DLG4: variants seen among roughly 807,000 people sequenced by gnomAD.
DLG4 encodes disks large homolog 4.
Under a neutral mutation model 93.8 loss-of-function variants are expected in DLG4, and 7 were observed. The observed-to-expected ratio is 0.07, with a 90% CI of 0.04 to 0.14. DLG4 has a LOEUF of 0.14. Among genes scored for constraint, DLG4 ranks in the 10% least tolerant of loss-of-function variants. The pLI is 1.00. For missense variants in DLG4, 545 were observed against 992.9 expected (o/e 0.55, Z 6.06); for synonymous variants, 341 against 387.6 (o/e 0.88, Z 1.41).
Position 7,197,048 on chromosome 17 carries a change from A to G in DLG4, c.792T>C (p.Tyr264=), listed in dbSNP as rs2069827755. 6.2e-7 allele frequency: 1 copy of G among 1,607,806 alleles called. No individual in the cohort carries two copies. Among genetic ancestry groups the G allele is most frequent in the Non-Finnish European group, 8.5e-7 (1 of 1,175,912 alleles). The change falls in exon 9 of 20, where the codon TAT becomes TAC. Residue 264 remains tyrosine, a synonymous_variant. Coordinates refer to ENST00000399506, the MANE Select transcript of DLG4 (RefSeq NM_001321075.3). ...TGATCTCATTGTCCAGGTGCTGGGA[A>G]TAAGCTGAGGAAGACAGGGCAGAGA... ...SYAPPDITTS[Y]SQHLDNEISH...
chr17:7,191,389 A>G lies in DLG4; in HGVS notation c.1977-31T>C. ...AAGAGGGAGGGAGAGCAGGCCTGAG[A>G]CTGGACCCACCTGACCCTGCCTTTT... On this transcript the variant is annotated intron_variant, in intron 18 of 19. Transcript: ENST00000399506. The surrounding 1 kb of genome is among the most constrained non-coding windows in gnomAD (Gnocchi z 6.6). 1 of 1,583,582 alleles carries G rather than the reference A, an allele frequency of 6.3e-7. No individual in the cohort carries two copies. Among genetic ancestry groups the G allele is most frequent in the Non-Finnish European group, 8.7e-7 (1 of 1,152,820 alleles).
rs149878479 is a variant in DLG4 at position 7,204,241 on chromosome 17, G to A, written c.108C>T (p.Pro36=). ...GGGTATCTGTGTTGACAATCACTGG[G>A]GGAGAATTGGCCTGTTTGGGAAAAC... ...PAHLPNQANS[P]PVIVNTDTLE... is the part of the protein sequence containing the mutation. Residue 36 remains proline (P), a synonymous_variant, in exon 3 of 20, where the codon CCC becomes CCT. Coordinates refer to ENST00000399506, the MANE Select transcript of DLG4 (RefSeq NM_001321075.3). The A allele has an allele frequency of 7.5e-6, 12 of 1,595,440 alleles. No homozygotes were observed. The African/African-American group carries it at 8.1e-5, about 11-fold the overall frequency.
chr17:7,196,426 C>T lies in DLG4; in HGVS notation c.1186+47G>A, dbSNP rs754772423. 4 of 1,611,082 alleles carry T rather than the reference C, an allele frequency of 2.5e-6. No individual in the cohort carries two copies. The highest frequency in any genetic ancestry group is 1.7e-4 in the Middle Eastern group (1 of 6,056). On this transcript the variant is annotated intron_variant, in intron 10 of 19. Coordinates refer to ENST00000399506, the MANE Select transcript of DLG4 (RefSeq NM_001321075.3). The surrounding 1 kb of genome is among the most constrained non-coding windows in gnomAD (Gnocchi z 8.3). Reference sequence around the variant, plus strand: ...TGAAGCCATCAGCTGAGGAAGAGTTCTAAGGGCCATTTCAGCTCACAAGAC... The same window carrying T: ...TGAAGCCATCAGCTGAGGAAGAGTTTTAAGGGCCATTTCAGCTCACAAGAC...
In DLG4 at chr17:7,193,865, C is replaced by T. The variant is rs1411239548; in HGVS notation, c.1522G>A (p.Gly508Ser). The change falls in exon 14 of 20, where the codon GGC (glycine) becomes AGC (serine). Residue 508 changes from glycine (G) to serine (S), a missense_variant. By Grantham distance (56) the Gly-to-Ser change is moderately conservative. Transcript: ENST00000399506. The surrounding 1 kb of genome is among the most constrained non-coding windows in gnomAD (Gnocchi z 6.7). ...CTACCCTGCGATCCAGAGCTGGAGC[C>T]CCAGTCCTAAGAAGAAAAAGCAGGC... is the stretch of plus-strand genomic sequence containing the variant. The part of the protein sequence containing the change: ...EWSRLKAKDW[G>S]SSSGSQGRED... 1.9e-6 allele frequency: 3 copies of T among 1,612,552 alleles called. No homozygotes were observed. In the Admixed American group the frequency reaches 5.0e-5, roughly 27 times the overall value.
At chr17:7,202,400 A>C (rs2142878620) in intron 8 of DLG4, among the ~76,000 whole-genome samples, 1 of 152,192 alleles carries the variant, frequency 6.6e-6, no homozygotes, top group African/African-American at 2.4e-5. Flanking sequence ...ATATTAAGAG[A>C]TTTCCTAATA....
chr17:7,213,502 T>C (rs2070790021), intron 1 of DLG4, among the ~76,000 whole-genome samples: 1 of 152,052 alleles, frequency 6.6e-6, no homozygotes, highest in African/African-American at 2.4e-5. Flanking sequence ...TGTCGGAAGA[T>C]TGCTCCCAAA....
chr17:7,215,290 G>C (rs2070862064), intron 1 of DLG4, among the ~76,000 whole-genome samples: 1 of 152,224 alleles, frequency 6.6e-6, no homozygotes, highest in Non-Finnish European at 1.5e-5. Context: ...CCTTCCTTCA[G>C]GGATGCTCAA....
In DLG4 at chr17:7,204,151, C is replaced by G. The variant is rs370495267; in HGVS notation, c.150+48G>C. Reference sequence around the variant, plus strand: ...CGTCATCTGCTGCCCTCCCTTACTCCCTCCTTCCTTCTGCAATGGCCCCAG... The same window carrying G: ...CGTCATCTGCTGCCCTCCCTTACTCGCTCCTTCCTTCTGCAATGGCCCCAG... On this transcript the variant is annotated intron_variant, in intron 3 of 19. Transcript: ENST00000399506. 1.4e-5 allele frequency: 23 copies of G among 1,602,534 alleles called. No homozygotes were observed. The African/African-American group carries it at 2.8e-4, about 20-fold the overall frequency.
rs61283875 is a variant in DLG4, at chr17:7,187,547, CAATAATAAT to C, written c.*3152_*3160del. On this transcript the variant is annotated 3_prime_UTR_variant, in exon 20 of 20. Transcript: ENST00000399506. ...GGCAACAAGAGCGAAACTCTGTCTC[CAATAATAAT>C]AATAATAATAATAATAATAATACAT... Among the ~76,000 whole-genome samples, 23 of 145,866 alleles carry C rather than the reference CAATAATAAT, an allele frequency of 1.6e-4. No individual in the cohort carries two copies. Among genetic ancestry groups the C allele is most frequent in the Admixed American group, 8.3e-4 (12 of 14,496 alleles).
At position 7,203,397 on chromosome 17, in the gene DLG4, G is replaced by T; in HGVS notation, c.505+27C>A. ...CTTGGGGGCACAGGACAGTTGGGATGGGGGTGGGAACAAAATGAGTTACTA... is the reference window on the plus strand; with the variant it reads ...CTTGGGGGCACAGGACAGTTGGGATTGGGGTGGGAACAAAATGAGTTACTA... On this transcript the variant is annotated intron_variant, in intron 6 of 19. Coordinates refer to ENST00000399506, the MANE Select transcript of DLG4 (RefSeq NM_001321075.3). The surrounding 1 kb of genome is among the most constrained non-coding windows in gnomAD (Gnocchi z 7.2). 1 of 1,595,744 alleles carries T rather than the reference G, an allele frequency of 6.3e-7. No individual in the cohort carries two copies. Among genetic ancestry groups the T allele is most frequent in the Non-Finnish European group, 8.6e-7 (1 of 1,165,154 alleles).
At chr17:7,219,903 G>A (rs2071098422), upstream of DLG4, 1 of 1,018,990 alleles carries the variant, frequency 9.8e-7, no homozygotes, top group Admixed American at 2.6e-5. Context: ...ATGAGTCAGG[G>A]TTAGGGGCGC....
chr17:7,194,118 CT>C lies in DLG4; in HGVS notation c.1479-119del. On this transcript the variant is annotated intron_variant, in intron 12 of 19. Coordinates refer to ENST00000399506, the MANE Select transcript of DLG4 (RefSeq NM_001321075.3). This position sits in a 1 kb window ranked among gnomAD's most constrained non-coding sequence, Gnocchi z 4.4. ...TCTGGGCCAGCTGACACCCCTTCTC[CT>C]GCAGCCCTGGACACTGTGCTCCTCA... 1 of 1,403,468 alleles carries C rather than the reference CT, an allele frequency of 7.1e-7. No homozygotes were observed. The highest frequency in any genetic ancestry group is 9.7e-7 in the Non-Finnish European group (1 of 1,028,336). The allele number at this position is 1,403,468 out of a possible 1,614,324, so 86.9% of individuals were successfully genotyped here.
intron 2 of DLG4, among the ~76,000 whole-genome samples, chr17:7,207,268 G>T (rs2070508237): frequency 6.6e-6 from 1 of 152,062 alleles, no homozygotes; most frequent in African/African-American, 2.4e-5. Flanking sequence ...GGAAAGGACT[G>T]ATCAGGCCCC....
intron 17 of DLG4, among the ~76,000 whole-genome samples, chr17:7,192,667 G>A (rs1331512830): frequency 1.3e-5 from 2 of 151,776 alleles, no homozygotes; most frequent in Non-Finnish European, 1.5e-5. Context: ...GCCATGGGAA[G>A]AGAGGAGAAA....
chr17:7,191,424 A>G lies in DLG4; in HGVS notation c.1977-66T>C, dbSNP rs2069488739. ...CCTGACCCTGCCTTTTATCTCCTCT[A>G]TCCAGGAATGTTAAGTATTCTTCTA... On this transcript the variant is annotated intron_variant, in intron 18 of 19. Coordinates refer to ENST00000399506, the MANE Select transcript of DLG4 (RefSeq NM_001321075.3). This position sits in a 1 kb window ranked among gnomAD's most constrained non-coding sequence, Gnocchi z 6.6. The G allele has an allele frequency of 1.6e-6, 2 of 1,218,498 alleles. No individual in the cohort carries two copies. The highest frequency in any genetic ancestry group is 1.5e-5 in the African/African-American group (1 of 66,898). The allele number at this position is 1,218,498 out of a possible 1,614,324, so 75.5% of individuals were successfully genotyped here. A position where few individuals can be genotyped will look rare whatever the true frequency, so the allele number is the denominator to read the frequency against.
intron 8 of DLG4, among the ~76,000 whole-genome samples, chr17:7,200,570 G>C (rs1189039929): frequency 6.6e-6 from 1 of 150,608 alleles, no homozygotes; most frequent in Admixed American, 6.6e-5. Flanking sequence ...TTTTGAGACA[G>C]AGTTTCACTC....
Position 7,193,498 on chromosome 17 carries a change from C to A in DLG4, c.1678G>T (p.Gly560Ter). 1 of 1,537,342 alleles carries A rather than the reference C, an allele frequency of 6.5e-7. No individual in the cohort carries two copies. Among genetic ancestry groups the A allele is most frequent in the South Asian group, 1.3e-5 (1 of 76,142 alleles). The change falls in exon 16 of 20, where the codon GGA becomes TGA. Residue 560 changes from glycine (G) to a stop codon, truncating the protein, a stop_gained. Transcript: ENST00000399506. LOFTEE classifies it high-confidence loss of function. The surrounding 1 kb of genome is among the most constrained non-coding windows in gnomAD (Gnocchi z 6.7). ...CAGCACTCACGGGGAACACAGGATCCAAACTTGTCGGGGAACTCGGAGAGA... is the reference window on the plus strand; with the variant it reads ...CAGCACTCACGGGGAACACAGGATCAAAACTTGTCGGGGAACTCGGAGAGA... ...DLLSEFPDKF[G>*]SCVPHTTRPK...
Position 7,189,333 on chromosome 17 carries a change from T to TA in DLG4, c.*1374dup, listed in dbSNP as rs1230191849. Among the ~76,000 whole-genome samples, 1 of 150,026 alleles carries TA rather than the reference T, an allele frequency of 6.7e-6. No homozygotes were observed. The highest frequency in any genetic ancestry group is 1.5e-5 in the Non-Finnish European group (1 of 67,444). On this transcript the variant is annotated 3_prime_UTR_variant, in exon 20 of 20. Coordinates refer to ENST00000399506, the MANE Select transcript of DLG4 (RefSeq NM_001321075.3). ...GGTGAAACCCCATCTCTACTAAAAA[T>TA]ACAAAATTAGCCAGGCATGGTGGCA...
chr17:7,219,116 A>C, upstream of DLG4: 2 of 546,858 alleles, frequency 3.7e-6, no homozygotes, highest in Non-Finnish European at 6.5e-6. Context: ...CAGCTCAAAA[A>C]GAAGCTGAGC....
Sources: gnomAD v4.1 joint callset for allele counts (sites outside exome capture counted in the v4.1 genomes callset) on GRCh38, gnomAD v4.1.1 for gene constraint, Gnocchi (gnomAD v3.1) non-coding constraint, MANE v1.5 for transcripts, NCBI Gene and HGNC (gene_info 2026-07-23, HGNC 2026-07-21) for gene names.